Variants in ZNF101 observed in about 807,000 individuals in gnomAD.
The protein encoded by ZNF101 is zinc finger protein 101, also known as zinc finger protein 101 (Y2).
In ZNF101, 34 loss-of-function variants were observed where a neutral mutation model predicts 42.6. The observed-to-expected ratio is 0.80, with a 90% confidence interval of 0.61 to 1.06. The LOEUF is 1.06. ZNF101 is among the 50% of genes least tolerant of loss of function. ZNF101 has a pLI of 0.00. For missense variants in ZNF101, 466 were observed against 530.9 expected (o/e 0.88, Z 1.20); for synonymous variants, 158 against 183.9 (o/e 0.86, Z 1.14).
intron 1 of ZNF101, among the ~76,000 whole-genome samples, chr19:19,672,653 G>A (rs1395453363): frequency 1.3e-5 from 2 of 151,974 alleles, no homozygotes; most frequent in Non-Finnish European, 2.9e-5. Context: ...AGCCTCCCAA[G>A]TACCTGGGAT....
rs2062239422 is a variant in ZNF101, at chr19:19,681,372, T to C, written c.*1072T>C. The C allele has an allele frequency of 6.6e-6, 1 of 152,248 alleles. No homozygotes were observed. The highest frequency in any genetic ancestry group is 2.1e-4 in the South Asian group (1 of 4,832). The allele number at this position is 152,248 out of a possible 1,614,324, so 9.4% of individuals were successfully genotyped here. A position where few individuals can be genotyped will look rare whatever the true frequency, so the allele number is the denominator to read the frequency against. On this transcript the variant is annotated 3_prime_UTR_variant, in exon 4 of 4. Transcript: ENST00000592502. ...GACACGTGTCAGTGCACACTGGAGA[T>C]GGATGGTATGAATCGAAGAATACAC...
In ZNF101 at chr19:19,677,922, T is replaced by C; in HGVS notation, c.62T>C (p.Leu21Pro). 2 of 1,612,786 alleles carry C rather than the reference T, an allele frequency of 1.2e-6. No individual in the cohort carries two copies. The change falls in exon 2 of 4, where the codon CTG (leucine) becomes CCG (proline). Residue 21 changes from leucine to proline, a missense_variant. Transcript: ENST00000592502. The stretch of plus-strand genomic sequence containing the variant: ...TTCACCCAGGAGGAGTGGGCTTTGC[T>C]GAGTCCTTCCCAGAAGAATCTCTAC... The part of the protein sequence containing the change: ...VNFTQEEWAL[L>P]SPSQKNLYRD...
rs1292274606 is a variant in ZNF101 at position 19,679,196 on chromosome 19, A to G, written c.207A>G (p.Arg69=). The change falls in exon 4 of 4, where the codon AGA becomes AGG. Residue 69 remains arginine, a synonymous_variant. Transcript: ENST00000592502. ...TTTTTCATAGAAGTCTGGTGGAGAG[A>G]CTCTGTGGACGTAAAGAAGGGAATG... is the stretch of plus-strand genomic sequence containing the variant. ...LGIKLRSLVE[R]LCGRKEGNEH... The G allele has an allele frequency of 1.2e-6, 2 of 1,613,188 alleles. No individual in the cohort carries two copies. Among genetic ancestry groups the G allele is most frequent in the Non-Finnish European group, 1.7e-6 (2 of 1,179,196 alleles).
Position 19,680,277 on chromosome 19 carries a change from G to T in ZNF101, c.1288G>T (p.Asp430Tyr). 1 of 1,523,982 alleles carries T rather than the reference G, an allele frequency of 6.6e-7. No homozygotes were observed. The highest frequency in any genetic ancestry group is 1.3e-5 in the South Asian group (1 of 74,514). 94.4% of individuals were successfully genotyped at this position (1,523,982 alleles called of 1,614,324 possible). The change falls in exon 4 of 4, where the codon GAT (aspartate) becomes TAT (tyrosine). Residue 430 changes from aspartate to tyrosine, a missense_variant. Transcript: ENST00000592502. ...CCAGTGCTTTGGCAGGAGGCAGGGG[G>T]ATCACCTGAGCCCAGGAGTTTGAGA... ...RSQCFGRRQG[D>Y]HLSPGV
At chr19:19,671,726 C>G (rs1029293946) in intron 1 of ZNF101, among the ~76,000 whole-genome samples, 1 of 152,100 alleles carries the variant, frequency 6.6e-6, no homozygotes, top group Non-Finnish European at 1.5e-5. Flanking sequence ...GTCTCGATCT[C>G]CTGACCTCGT....
chr19:19,678,781 G>A lies in ZNF101; in HGVS notation c.186G>A (p.Lys62=). Residue 62 remains lysine (K), a synonymous_variant, in exon 3 of 4, where the codon AAG becomes AAA. Coordinates refer to ENST00000592502, the MANE Select transcript of ZNF101 (RefSeq NM_033204.4). The part of the protein sequence containing the change: ...IENLYQNLGI[K]LRSLVERLCG... The stretch of plus-strand genomic sequence containing the variant: ...ATCTGTACCAAAACCTGGGGATTAA[G>A]CTAAGGTAATCTCCACTCACAAGAG... 6.2e-7 allele frequency: 1 copy of A among 1,610,858 alleles called. No homozygotes were observed. Among genetic ancestry groups the A allele is most frequent in the Non-Finnish European group, 8.5e-7 (1 of 1,178,936 alleles).
chr19:19,669,929 G>C (rs1018091866), intron 1 of ZNF101, among the ~76,000 whole-genome samples: 1 of 151,956 alleles, frequency 6.6e-6, no homozygotes, highest in African/African-American at 2.4e-5. Flanking sequence ...AAAAATCACT[G>C]TGCCTGCCCT....
intron 1 of ZNF101, 193 bp from the exon 2 acceptor site, chr19:19,677,671 C>A (rs1599452638): frequency 1.2e-6 from 1 of 839,278 alleles, no homozygotes; most frequent in Non-Finnish European, 1.7e-6. Flanking sequence ...CTGTGGCTGG[C>A]TCTCTGAGTA....
In ZNF101 at chr19:19,680,363, T is replaced by C. The variant is rs566575409; in HGVS notation, c.*63T>C. ...TGGGTACGGTGGCTCACGCTTGTAA[T>C]CCCAGCACTTTGGGAGGCTGAGGCG... is the stretch of plus-strand genomic sequence containing the variant. On this transcript the variant is annotated 3_prime_UTR_variant, in exon 4 of 4. Transcript: ENST00000592502. 5.3e-6 allele frequency: 5 copies of C among 938,762 alleles called. No individual in the cohort carries two copies. Among genetic ancestry groups the C allele is most frequent in the Non-Finnish European group, 7.5e-6 (5 of 668,388 alleles). 58.2% of individuals were successfully genotyped at this position (938,762 alleles called of 1,614,324 possible). A position where few individuals can be genotyped will look rare whatever the true frequency, so the allele number is the denominator to read the frequency against.
chr19:19,671,094 G>A (rs1392354588), intron 1 of ZNF101, among the ~76,000 whole-genome samples: 1 of 152,158 alleles, frequency 6.6e-6, no homozygotes, highest in Non-Finnish European at 1.5e-5. Context: ...GCGACAGAGC[G>A]AGACTCCATC....
intron 1 of ZNF101, among the ~76,000 whole-genome samples, chr19:19,673,081 A>G (rs979875235): frequency 6.6e-6 from 1 of 151,316 alleles, no homozygotes; most frequent in Non-Finnish European, 1.5e-5. Flanking sequence ...AGTAGCTGGG[A>G]CTACAAGCGC....
intron 1 of ZNF101, among the ~76,000 whole-genome samples, chr19:19,675,668 G>C (rs2062198413): frequency 1.3e-5 from 2 of 152,112 alleles, no homozygotes; most frequent in African/African-American, 2.4e-5. Flanking sequence ...TGAGTGTAAG[G>C]GGTGAGGTGA....
rs201804406 is a variant in ZNF101, at chr19:19,679,326, C to G, written c.337C>G (p.Arg113Gly). ...CAGCGTGTGTGGGAAAGTCTTCCTC[C>G]GTCATTCATTCCTGGACAGGCACAT... ...KCSVCGKVFL[R>G]HSFLDRHMRA... Residue 113 changes from arginine (R) to glycine (G), a missense_variant, in exon 4 of 4, where the codon CGT becomes GGT. Physicochemically the swap from Arg to Gly is moderately radical, Grantham distance 125. Transcript: ENST00000592502. 1 of 1,614,100 alleles carries G rather than the reference C, an allele frequency of 6.2e-7. No homozygotes were observed. Among genetic ancestry groups the G allele is most frequent in the Non-Finnish European group, 8.5e-7 (1 of 1,180,022 alleles).
In ZNF101 at chr19:19,681,832, T is replaced by A. The variant is rs1161071868; in HGVS notation, c.*1532T>A. ...TGAAAGCCTGATGCAAATTAATTAT[T>A]ATATAATGCTCAAAAACTTAATCAT... On this transcript the variant is annotated 3_prime_UTR_variant, in exon 4 of 4. Coordinates refer to ENST00000592502, the MANE Select transcript of ZNF101 (RefSeq NM_033204.4). The A allele has an allele frequency of 6.6e-6, 1 of 152,096 alleles. No homozygotes were observed. The highest frequency in any genetic ancestry group is 1.5e-5 in the Non-Finnish European group (1 of 68,024). The allele number at this position is 152,096 out of a possible 1,614,324, so 9.4% of individuals were successfully genotyped here.
rs1244903206 is a variant in ZNF101 at position 19,682,591 on chromosome 19, T to G, written c.*2291T>G. 6.6e-6 allele frequency: 1 copy of G among 152,206 alleles called. No homozygotes were observed. Among genetic ancestry groups the G allele is most frequent in the African/African-American group, 2.4e-5 (1 of 41,460 alleles). The allele number at this position is 152,206 out of a possible 1,614,324, so 9.4% of individuals were successfully genotyped here. A position where few individuals can be genotyped will look rare whatever the true frequency, so the allele number is the denominator to read the frequency against. On this transcript the variant is annotated 3_prime_UTR_variant, in exon 4 of 4. Coordinates refer to ENST00000592502, the MANE Select transcript of ZNF101 (RefSeq NM_033204.4). ...CTTTTGCAAGGAAATGTGAGAATGA[T>G]ACTCTTTAAGCAGTGGTACCTGAGG...
intron 1 of ZNF101, chr19:19,672,418 T>C (rs2062176414): frequency 6.6e-6 from 1 of 152,180 alleles, no homozygotes; most frequent in Non-Finnish European, 1.5e-5. Context: ...GGTTTCGCCA[T>C]GTTGGCCAGG....
At position 19,678,701 on chromosome 19, in the gene ZNF101, T is replaced by C. The variant is rs185201274; in HGVS notation, c.131-25T>C. On this transcript the variant is annotated intron_variant, in intron 2 of 3. Transcript: ENST00000592502. ...TTCTGTAATTTTAAATAATTCATAA[T>C]AATTTCTCTGGGTCTACATTTTAGG... 13 of 1,571,094 alleles carry C rather than the reference T, an allele frequency of 8.3e-6. No individual in the cohort carries two copies. The African/African-American group carries it at 1.1e-4, about 13-fold the overall frequency.
intron 1 of ZNF101, among the ~76,000 whole-genome samples, chr19:19,672,830 A>G (rs1021049976): frequency 6.6e-6 from 1 of 152,000 alleles, no homozygotes; most frequent in African/African-American, 2.4e-5. Context: ...ACTGGCTGGT[A>G]TTTTTATTTC....
chr19:19,673,090 G>T (rs1022879019), intron 1 of ZNF101, among the ~76,000 whole-genome samples: 4 of 150,970 alleles, frequency 2.6e-5, no homozygotes, highest in African/African-American at 9.7e-5. Context: ...GACTACAAGC[G>T]CATGCCACCA....
Sources: allele counts gnomAD v4.1 joint callset (sites outside exome capture counted in the v4.1 genomes callset), GRCh38; gene constraint gnomAD v4.1.1; transcripts MANE v1.5; gene names NCBI Gene and HGNC (gene_info 2026-07-23, HGNC 2026-07-21).